Variants in ERC2 observed in about 807,000 individuals in gnomAD.
ERC2 encodes the protein ELKS/RAB6-interacting/CAST family member 2.
ERC2 carries 42 observed loss-of-function variants against 114.8 expected under a neutral mutation model. The observed-to-expected ratio is 0.37, with a 90% CI of 0.29 to 0.47. The LOEUF (loss-of-function observed/expected upper bound fraction) is 0.47, where lower values mean the gene tolerates loss of function less well. ERC2 is among the 20% of genes least tolerant of loss of function. The probability of loss-of-function intolerance (pLI) is 0.99; values close to 1 mark genes in which losing one functional copy is unlikely to be tolerated. For synonymous variants in ERC2, 454 were observed against 425.5 expected (o/e 1.07, Z -0.82); for missense variants, 939 against 1,150.7 (o/e 0.82, Z 2.66).
At chr3:55,635,125 T>C (rs1207833954) in intron 17 of ERC2, among the ~76,000 whole-genome samples, 2 of 152,108 alleles carry the variant, frequency 1.3e-5, no homozygotes, top group Non-Finnish European at 1.5e-5. Context: ...GTGATCTGCC[T>C]GCCTGCCTCA....
At chr3:56,010,282 CA>C (rs111539238) in intron 9 of ERC2, among the ~76,000 whole-genome samples, 166 bp downstream of exon 9, 17,553 of 146,618 alleles carry the variant, frequency 0.12, 1,185 homozygotes, top group South Asian at 0.24. Context: ...AAGGAAGTTA[CA>C]AAAAAAAAAA....
At chr3:56,342,798 T>C (rs1299239248) in intron 2 of ERC2, among the ~76,000 whole-genome samples, 1 of 152,170 alleles carries the variant, frequency 6.6e-6, no homozygotes, top group Non-Finnish European at 1.5e-5. Context: ...TAAAACCGAA[T>C]AGAGTGGAGT....
intron 15 of ERC2, among the ~76,000 whole-genome samples, chr3:55,714,667 GTATA>G (rs59969304): frequency 3.5e-4 from 31 of 88,534 alleles, no homozygotes; most frequent in African/African-American, 8.0e-4. Context: ...GTGTGTGTGT[GTATA>G]TATATATATA....
In ERC2 at chr3:56,434,468, G is replaced by C; in HGVS notation, c.540C>G (p.Asn180Lys). 6.2e-7 allele frequency: 1 copy of C among 1,613,958 alleles called. No individual in the cohort carries two copies. Among genetic ancestry groups the C allele is most frequent in the Non-Finnish European group, 8.5e-7 (1 of 1,179,894 alleles). The change falls in exon 2 of 18, where the codon AAC becomes AAG. Residue 180 changes from asparagine to lysine, a missense_variant. Transcript: ENST00000288221. ...IKDSKLGSSM[N>K]SIKTFWSPEL... The stretch of plus-strand genomic sequence containing the variant: ...CAGGACTCCAGAAAGTCTTAATACT[G>C]TTCATGGAAGATCCCAATTTGCTGT...
intron 7 of ERC2, among the ~76,000 whole-genome samples, chr3:56,026,142 C>T (rs559096278): frequency 6.7e-6 from 1 of 148,330 alleles, no homozygotes; most frequent in East Asian, 2.0e-4. Flanking sequence ...CTCGGCCTCC[C>T]GGGTTCAAGC....
intron 13 of ERC2, among the ~76,000 whole-genome samples, chr3:55,935,276 G>A (rs192569674): frequency 8.5e-5 from 13 of 152,194 alleles, no homozygotes; most frequent in Non-Finnish European, 1.5e-4. Context: ...AGTAATAGTC[G>A]CCATGCTGGG....
intron 14 of ERC2, among the ~76,000 whole-genome samples, chr3:55,817,771 A>T (rs756106453): frequency 2.0e-5 from 3 of 152,230 alleles, no homozygotes; most frequent in Non-Finnish European, 4.4e-5. Flanking sequence ...CATGGTGAGG[A>T]TCAAATGAAA....
intron 7 of ERC2, among the ~76,000 whole-genome samples, chr3:56,025,248 A>G (rs1231542400): frequency 6.6e-6 from 1 of 152,228 alleles, no homozygotes; most frequent in Non-Finnish European, 1.5e-5. Context: ...GGATTTAAAC[A>G]CAAAGATTTA....
At chr3:56,162,283 T>C (rs878879140) in intron 4 of ERC2, among the ~76,000 whole-genome samples, 2 of 152,128 alleles carry the variant, frequency 1.3e-5, no homozygotes, top group Admixed American at 6.6e-5. Context: ...TTTGGCTTGA[T>C]AGTATTTTGT....
intron 1 of ERC2, among the ~76,000 whole-genome samples, chr3:56,448,025 G>T (rs2062659086): frequency 1.3e-5 from 2 of 152,126 alleles, no homozygotes; most frequent in South Asian, 4.2e-4. Context: ...TTACAGGTGT[G>T]AGCCACTATG....
intron 17 of ERC2, among the ~76,000 whole-genome samples, chr3:55,551,265 G>A (rs1487635041): frequency 6.6e-6 from 1 of 151,794 alleles, no homozygotes; most frequent in East Asian, 1.9e-4. Flanking sequence ...GCTCATGCCT[G>A]TAATCCCAGC....
intron 17 of ERC2, among the ~76,000 whole-genome samples, chr3:55,538,922 G>A (rs1034150426): frequency 6.6e-6 from 1 of 152,008 alleles, no homozygotes; most frequent in Non-Finnish European, 1.5e-5. Flanking sequence ...ACAATTAAAT[G>A]AAGCCAACGG....
rs375652212 is a variant in ERC2, at chr3:55,777,830, AT to A, written c.2565-42913del. On this transcript the variant is annotated intron_variant, in intron 14 of 17. Coordinates refer to ENST00000288221, the MANE Select transcript of ERC2 (RefSeq NM_015576.3). ...CTCTCTTCCACATGGGAACTTCAGA[AT>A]ACTGTGCCCATTTAGTGTACTGTTT... is the stretch of plus-strand genomic sequence containing the variant. Among the ~76,000 whole-genome samples the A allele has an allele frequency of 2.1e-3, 327 of 152,316 alleles. 2 individuals carry two copies. The highest frequency in any genetic ancestry group is 7.6e-3 in the African/African-American group (317 of 41,568).
intron 10 of ERC2, 71 bp downstream of exon 10, chr3:56,007,110 C>A: frequency 7.2e-7 from 1 of 1,379,470 alleles, no homozygotes; most frequent in Non-Finnish European, 9.7e-7. Context: ...TTTTTAAAAA[C>A]GTCTCTTCCT....
At chr3:56,045,852 C>T (rs1169061250) in intron 7 of ERC2, among the ~76,000 whole-genome samples, 1 of 152,084 alleles carries the variant, frequency 6.6e-6, no homozygotes, top group East Asian at 1.9e-4. Context: ...TCTATACAGT[C>T]AGGGGATCAT....
intron 14 of ERC2, among the ~76,000 whole-genome samples, chr3:55,740,575 T>C (rs2065914620): frequency 6.6e-6 from 1 of 152,152 alleles, no homozygotes; most frequent in Non-Finnish European, 1.5e-5. Context: ...TAGTATAAGA[T>C]AAAAAGGTAT....
At chr3:56,076,683 C>T (rs185693014) in intron 7 of ERC2, among the ~76,000 whole-genome samples, 2 of 152,278 alleles carry the variant, frequency 1.3e-5, no homozygotes, top group African/African-American at 4.8e-5. Flanking sequence ...GCCAAAAATC[C>T]ACTCTAGATG....
intron 14 of ERC2, among the ~76,000 whole-genome samples, chr3:55,849,881 T>C (rs556950468): frequency 1.6e-4 from 25 of 152,328 alleles, no homozygotes; most frequent in African/African-American, 5.8e-4. Flanking sequence ...AATACCCAAC[T>C]GTATTAGTTT....
At chr3:56,117,029 G>A (rs2079278368) in intron 6 of ERC2, among the ~76,000 whole-genome samples, 1 of 152,160 alleles carries the variant, frequency 6.6e-6, no homozygotes, top group African/African-American at 2.4e-5. Flanking sequence ...GAAGGTTTTG[G>A]AAGGTTAGGC....
Sources: gnomAD v4.1 joint callset for allele counts (sites outside exome capture counted in the v4.1 genomes callset) on GRCh38, gnomAD v4.1.1 for gene constraint, MANE v1.5 for transcripts, NCBI Gene and HGNC (gene_info 2026-07-23, HGNC 2026-07-21) for gene names.